TLN2: variants seen among roughly 807,000 people sequenced by gnomAD.
TLN2 encodes the protein talin 2.
TLN2 carries 118 observed loss-of-function variants against 294.7 expected under a neutral mutation model. The ratio of observed to expected loss-of-function variants is 0.40; its 90% CI spans 0.34 to 0.47. The LOEUF is 0.47. Among genes scored for constraint, TLN2 ranks in the 20% least tolerant of loss-of-function variants. The probability of loss-of-function intolerance (pLI) is 0.84; values close to 1 mark genes in which losing one functional copy is unlikely to be tolerated. For synonymous variants in TLN2, 1,431 were observed against 1,304.5 expected, an observed-to-expected ratio of 1.10 and a Z score of -2.09; for missense variants, 3,083 against 3,282.2, an observed-to-expected ratio of 0.94 and a Z score of 1.48.
chr15:62,754,116 G>C (rs2141002888), intron 36 of TLN2, 200 bp downstream of exon 36: 1 of 681,060 alleles, frequency 1.5e-6, no homozygotes, highest in African/African-American at 1.8e-5. Flanking sequence ...TAAGTGCCTT[G>C]AAATGGGGTG....
intron 1 of TLN2, among the ~76,000 whole-genome samples, chr15:62,486,024 AAT>A (rs1322073035): frequency 6.6e-6 from 1 of 150,512 alleles, no homozygotes. Context: ...GTAAAAAAAA[AAT>A]ACAAAGAATT....
chr15:62,705,805 G>A (rs1467682132), intron 19 of TLN2, among the ~76,000 whole-genome samples: 3 of 152,182 alleles, frequency 2.0e-5, no homozygotes, highest in African/African-American at 7.2e-5. Flanking sequence ...AGATCCCAAA[G>A]GGATCTTCTG....
intron 32 of TLN2, among the ~76,000 whole-genome samples, chr15:62,745,021 T>C (rs2061540692): frequency 6.6e-6 from 1 of 152,202 alleles, no homozygotes; most frequent in Non-Finnish European, 1.5e-5. Flanking sequence ...TTGTGCTAAA[T>C]AGGTAATCAG....
rs565646052 is a variant in TLN2, at chr15:62,425,363, T to G, written c.-238+34678T>G. On this transcript the variant is annotated intron_variant, in intron 1 of 58. Coordinates refer to ENST00000636159, the MANE Select transcript of TLN2 (RefSeq NM_015059.3). ...ATCTCCAGCAGATTCTCTTGTGTCC[T>G]CTGAGCTCTACCTTGGGACGTGCAT... Among the ~76,000 whole-genome samples, 10 of 152,288 alleles carry G rather than the reference T, an allele frequency of 6.6e-5. No individual in the cohort carries two copies. In the East Asian group the frequency reaches 1.5e-3, roughly 24 times the overall value.
rs2053186122 is a variant in TLN2 at position 62,656,168 on chromosome 15, GGC to G, written c.660+85_660+86del. ...TGTATCTTGTGGCGAGCAGGAGGGC[GGC>G]GCTGGCTTCTGCCACATTTATGGCG... is the stretch of plus-strand genomic sequence containing the variant. On this transcript the variant is annotated intron_variant, in intron 8 of 58. Transcript: ENST00000636159. 76 of 1,545,592 alleles carry G rather than the reference GGC, an allele frequency of 4.9e-5. No individual in the cohort carries two copies. The East Asian group carries it at 1.7e-3, about 34-fold the overall frequency.
intron 34 of TLN2, 61 bp downstream of exon 34, chr15:62,750,552 T>C (rs888665137): frequency 4.9e-6 from 7 of 1,420,542 alleles, no homozygotes; most frequent in Non-Finnish European, 7.0e-6. Context: ...GGGAGAAGTT[T>C]AGACGTGCCT....
At chr15:62,473,080 C>G (rs1381271265) in intron 1 of TLN2, among the ~76,000 whole-genome samples, 1 of 152,246 alleles carries the variant, frequency 6.6e-6, no homozygotes, top group Non-Finnish European at 1.5e-5. Flanking sequence ...AAACCTGACA[C>G]TGGCTTTTCC....
chr15:62,824,660 G>A (rs2067875720), intron 54 of TLN2, among the ~76,000 whole-genome samples: 1 of 152,194 alleles, frequency 6.6e-6, no homozygotes, highest in Non-Finnish European at 1.5e-5. Context: ...GTCAGTGGAG[G>A]TTGGTAATAT....
At chr15:62,650,281 T>A in intron 5 of TLN2, 100 bp downstream of exon 5, 1 of 1,205,714 alleles carries the variant, frequency 8.3e-7, no homozygotes, top group Admixed American at 2.0e-5. Flanking sequence ...AAGGGCATCT[T>A]ATTAATAGTT....
chr15:62,561,645 A>G (rs1238303349), intron 1 of TLN2, among the ~76,000 whole-genome samples: 1 of 152,176 alleles, frequency 6.6e-6, no homozygotes, highest in Non-Finnish European at 1.5e-5. Context: ...TATGGAGTTG[A>G]GGAAAGTCTG....
At chr15:62,771,996 T>G (rs1276068571) in intron 42 of TLN2, among the ~76,000 whole-genome samples, 1 of 152,226 alleles carries the variant, frequency 6.6e-6, no homozygotes, top group Non-Finnish European at 1.5e-5. Flanking sequence ...TCTTACTGTA[T>G]TGCCCAGGCT....
chr15:62,647,836 A>G (rs2052074945), intron 4 of TLN2, among the ~76,000 whole-genome samples: 1 of 152,212 alleles, frequency 6.6e-6, no homozygotes, highest in Non-Finnish European at 1.5e-5. Flanking sequence ...ATTGGAACCC[A>G]GGGCAGGTCT....
At chr15:62,611,825 C>T (rs761706186) in intron 2 of TLN2, among the ~76,000 whole-genome samples, 16 of 152,220 alleles carry the variant, frequency 1.1e-4, no homozygotes, top group Admixed American at 3.3e-4. Flanking sequence ...CCTTTCCCCC[C>T]AGTCAGTTTA....
intron 50 of TLN2, among the ~76,000 whole-genome samples, chr15:62,801,254 T>C (rs1226397264): frequency 2.6e-5 from 4 of 152,208 alleles, no homozygotes. Flanking sequence ...CTTCTTTCCA[T>C]TGGAGTCATC....
intron 52 of TLN2, among the ~76,000 whole-genome samples, chr15:62,813,519 G>T (rs935862355): frequency 3.9e-5 from 6 of 152,074 alleles, no homozygotes; most frequent in African/African-American, 1.2e-4. Context: ...AGACTGAAAA[G>T]ATCCAAATAT....
At chr15:62,391,811 C>T (rs1187733679) in intron 1 of TLN2, among the ~76,000 whole-genome samples, 1 of 152,246 alleles carries the variant, frequency 6.6e-6, no homozygotes, top group African/African-American at 2.4e-5. Context: ...CCGCCTGGAC[C>T]CGGCCTTGGG....
intron 3 of TLN2, chr15:62,638,746 T>G (rs1489605957): frequency 7.4e-6 from 3 of 404,790 alleles, no homozygotes; most frequent in African/African-American, 6.2e-5. Flanking sequence ...ATGCATTAAA[T>G]AAATATGTAT....
chr15:62,803,495 G>C (rs943397226), intron 50 of TLN2, among the ~76,000 whole-genome samples: 1 of 151,994 alleles, frequency 6.6e-6, no homozygotes, highest in African/African-American at 2.4e-5. Flanking sequence ...ATGCTTCATT[G>C]TTTTCTATTC....
chr15:62,726,283 A>C (rs1351342980), intron 27 of TLN2, among the ~76,000 whole-genome samples: 3 of 152,186 alleles, frequency 2.0e-5, no homozygotes, highest in Non-Finnish European at 4.4e-5. Flanking sequence ...ACCAGGCTCT[A>C]TTTTTATTGG....
Sources: allele counts gnomAD v4.1 joint callset (sites outside exome capture counted in the v4.1 genomes callset), GRCh38; gene constraint gnomAD v4.1.1; transcripts MANE v1.5; gene names NCBI Gene and HGNC (gene_info 2026-07-23, HGNC 2026-07-21).